Variants in ARFGEF2 observed in about 807,000 individuals in gnomAD.
ARFGEF2 encodes ARF guanine nucleotide exchange factor 2, also known as brefeldin A-inhibited guanine nucleotide-exchange protein 2.
Under a neutral mutation model 219.9 loss-of-function variants are expected in ARFGEF2, and 74 were observed. The observed-to-expected ratio is 0.34, with a 90% confidence interval of 0.28 to 0.41. The LOEUF is 0.41. ARFGEF2 is among the 10% of genes least tolerant of loss of function. ARFGEF2 has a pLI of 1.00. For missense variants in ARFGEF2, 1,743 were observed against 2,218.3 expected, an observed-to-expected ratio of 0.79 and a Z score of 4.30; for synonymous variants, 733 against 799.2, an observed-to-expected ratio of 0.92 and a Z score of 1.40.
At chr20:49,020,832 C>T (rs1037456615) in intron 34 of ARFGEF2, among the ~76,000 whole-genome samples, 2 of 151,970 alleles carry the variant, frequency 1.3e-5, no homozygotes, top group South Asian at 2.1e-4. Flanking sequence ...AAGCACTCTC[C>T]GTGCAGTGAG....
At chr20:48,997,492 C>T (rs1013861866) in intron 23 of ARFGEF2, among the ~76,000 whole-genome samples, 5 of 152,060 alleles carry the variant, frequency 3.3e-5, no homozygotes, top group Non-Finnish European at 5.9e-5. Flanking sequence ...AGGCTGGTCT[C>T]GAACTCTTGA....
intron 11 of ARFGEF2, 141 bp from the exon 12 acceptor site, chr20:48,973,004 C>G: frequency 1.1e-6 from 1 of 905,574 alleles, no homozygotes; most frequent in Non-Finnish European, 1.8e-6. Context: ...CCTAGTACTT[C>G]CAACATGTGT....
intron 18 of ARFGEF2, among the ~76,000 whole-genome samples, chr20:48,989,075 C>G (rs11086274): frequency 2.0e-5 from 3 of 151,902 alleles, no homozygotes; most frequent in Admixed American, 2.0e-4. Flanking sequence ...AGCTCCTCTA[C>G]TTAGTAATTG....
intron 14 of ARFGEF2, among the ~76,000 whole-genome samples, chr20:48,982,359 A>G (rs886281599): frequency 1.3e-5 from 2 of 152,026 alleles, no homozygotes; most frequent in Non-Finnish European, 2.9e-5. Context: ...TTGCTGCCTG[A>G]TCCTTCCTCT....
chr20:48,938,985 T>G lies in ARFGEF2; in HGVS notation c.122-2214T>G, dbSNP rs531812055. 1.9e-3 allele frequency among the ~76,000 whole-genome samples: 287 copies of G among 150,772 alleles called. 3 individuals are homozygous for G. The highest frequency in any genetic ancestry group is 6.6e-3 in the African/African-American group (274 of 41,240). On this transcript the variant is annotated intron_variant, in intron 1 of 38. Transcript: ENST00000371917. ...TTTATGGGTTTTTTTTGTTTGTTTTTTTTTTTTTTGAGAAAGTCTCACTAT... is the reference window on the plus strand; with the variant it reads ...TTTATGGGTTTTTTTTGTTTGTTTTGTTTTTTTTTGAGAAAGTCTCACTAT...
intron 1 of ARFGEF2, among the ~76,000 whole-genome samples, chr20:48,924,500 A>G (rs1217110816): frequency 3.5e-5 from 5 of 142,438 alleles, no homozygotes; most frequent in African/African-American, 1.3e-4. Flanking sequence ...CGACAAAACA[A>G]GACTCTGTCT....
At chr20:48,981,315 C>G (rs2091294291) in intron 14 of ARFGEF2, among the ~76,000 whole-genome samples, 2 of 152,216 alleles carry the variant, frequency 1.3e-5, no homozygotes, top group South Asian at 4.1e-4. Flanking sequence ...GGCCCTCACT[C>G]TCTTCTGGCT....
chr20:48,963,340 T>G (rs904096325), intron 6 of ARFGEF2, among the ~76,000 whole-genome samples: 4 of 152,214 alleles, frequency 2.6e-5, no homozygotes, highest in Non-Finnish European at 4.4e-5. Context: ...CATAAAAGTT[T>G]AGTAAATCCT....
chr20:48,935,725 G>C (rs1201547509), intron 1 of ARFGEF2, among the ~76,000 whole-genome samples: 9 of 147,180 alleles, frequency 6.1e-5, no homozygotes, highest in African/African-American at 2.3e-4. Context: ...GCGGGGGGCT[G>C]ACACCCCCAC....
At chr20:49,025,255 A>G (rs1273424528) in intron 35 of ARFGEF2, 58 bp from the exon 36 acceptor site, 12 of 1,559,334 alleles carry the variant, frequency 7.7e-6, no homozygotes, top group South Asian at 7.0e-5. Flanking sequence ...TGCAATCACA[A>G]TGCCCAGAGC....
chr20:49,032,276 C>G (rs1011561241), intron 38 of ARFGEF2, 110 bp downstream of exon 38: 2 of 807,094 alleles, frequency 2.5e-6, no homozygotes. Context: ...AGGATGGTTA[C>G]GTGACTAGCA....
intron 2 of ARFGEF2, among the ~76,000 whole-genome samples, chr20:48,941,496 G>A (rs553699232): frequency 2.2e-4 from 33 of 152,300 alleles, no homozygotes; most frequent in African/African-American, 7.9e-4. Context: ...AACAGAACAG[G>A]CAAAGCCCTT....
Position 49,016,297 on chromosome 20 carries a change from A to C in ARFGEF2, c.4197A>C (p.Thr1399=). ...EQLSEKSEWM[T]TTCNHALYAI... ...TTTCCCAGAAATCTGAGTGGATGAC[A>C]ACAACCTGCAATCACGCACTTTATG... Residue 1399 remains threonine, a synonymous_variant, in exon 31 of 39, where the codon ACA becomes ACC. Coordinates refer to ENST00000371917, the MANE Select transcript of ARFGEF2 (RefSeq NM_006420.3). 1 of 1,614,056 alleles carries C rather than the reference A, an allele frequency of 6.2e-7. No homozygotes were observed. The highest frequency in any genetic ancestry group is 1.1e-5 in the South Asian group (1 of 91,084).
chr20:49,024,271 C>T (rs1568744176), intron 35 of ARFGEF2, among the ~76,000 whole-genome samples: 2 of 152,146 alleles, frequency 1.3e-5, no homozygotes, highest in Non-Finnish European at 2.9e-5. Context: ...CCATGCCTGG[C>T]CTACATATCA....
chr20:48,976,235 G>A, intron 14 of ARFGEF2, 36 bp downstream of exon 14: 1 of 1,610,762 alleles, frequency 6.2e-7, no homozygotes, highest in Non-Finnish European at 8.5e-7. Flanking sequence ...AGGGATTCTA[G>A]CAAAGCCATA....
rs527503129 is a variant in ARFGEF2, at chr20:49,005,016, C to T, written c.3433-54C>T. 5.8e-5 allele frequency: 93 copies of T among 1,606,690 alleles called. No homozygotes were observed. In the East Asian group the frequency reaches 9.1e-4, roughly 16 times the overall value. ...TCCATCTTTGCTGTTGAGAGACCCA[C>T]GTCGGTCATTATTACACTATACCTG... is the stretch of plus-strand genomic sequence containing the variant. On this transcript the variant is annotated intron_variant, in intron 25 of 38. Transcript: ENST00000371917.
rs1160849560 is a variant in ARFGEF2, at chr20:49,033,059, T to G, written c.5218T>G (p.Cys1740Gly). The change falls in exon 39 of 39, where the codon TGT (cysteine) becomes GGT (glycine). Residue 1740 changes from cysteine to glycine, a missense_variant. By Grantham distance (159) the Cys-to-Gly change is radical. This residue lies in a region of ARFGEF2 where 578 missense variants were observed against 664.0 expected (regional missense o/e 0.87). Transcript: ENST00000371917. ...TGCTTCAATGTACTACCCCTACTTG[T>G]GTGAAATTATGCAGTTTGACCTGAT... is the stretch of plus-strand genomic sequence containing the variant. ...AHASMYYPYL[C>G]EIMQFDLIPE... The G allele has an allele frequency of 6.2e-7, 1 of 1,614,168 alleles. No homozygotes were observed. The highest frequency in any genetic ancestry group is 2.2e-5 in the East Asian group (1 of 44,894).
chr20:48,984,867 A>C (rs768398841), intron 15 of ARFGEF2, 27 bp downstream of exon 15: 10 of 1,612,128 alleles, frequency 6.2e-6, no homozygotes, highest in South Asian at 1.1e-5. Context: ...TAGCACTTGC[A>C]TGTGAGTTCT....
chr20:48,943,495 T>C (rs2091006479), intron 3 of ARFGEF2, among the ~76,000 whole-genome samples: 1 of 152,232 alleles, frequency 6.6e-6, no homozygotes, highest in Non-Finnish European at 1.5e-5. Context: ...GGTTTCTTAA[T>C]TCCTGGCCCA....
Sources: allele counts gnomAD v4.1 joint callset (sites outside exome capture counted in the v4.1 genomes callset), GRCh38; gene constraint gnomAD v4.1.1; regional missense constraint gnomAD v4.1.1; transcripts MANE v1.5; gene names NCBI Gene and HGNC (gene_info 2026-07-23, HGNC 2026-07-21).